The following RAPGEF5 variants were observed in gnomAD, a reference collection of about 807,000 sequenced individuals.
The protein encoded by RAPGEF5 is Rap guanine nucleotide exchange factor 5.
RAPGEF5 carries 65 observed loss-of-function variants against 125.2 expected under a neutral mutation model. The observed-to-expected ratio is 0.52, with a 90% CI of 0.43 to 0.64. The LOEUF (loss-of-function observed/expected upper bound fraction) is 0.64. Among genes scored for constraint, RAPGEF5 ranks in the 30% least tolerant of loss-of-function variants. RAPGEF5 has a pLI of 0.00. For synonymous variants in RAPGEF5, 391 were observed against 385.9 expected (o/e 1.01, Z -0.16); for missense variants, 958 against 1,048.1 (o/e 0.91, Z 1.19).
chr7:22,175,328 C>A (rs1041758985), intron 11 of RAPGEF5, among the ~76,000 whole-genome samples: 1 of 152,062 alleles, frequency 6.6e-6, no homozygotes, highest in Non-Finnish European at 1.5e-5. Flanking sequence ...TTAAAAGGAA[C>A]GAAGGATATT....
chr7:22,292,567 C>T (rs1008786518), intron 5 of RAPGEF5, among the ~76,000 whole-genome samples: 3 of 152,154 alleles, frequency 2.0e-5, no homozygotes, highest in African/African-American at 7.2e-5. Flanking sequence ...GTATTTTGAA[C>T]AAGCTTTATT....
At chr7:22,330,575 G>A (rs1207302691) in intron 1 of RAPGEF5, among the ~76,000 whole-genome samples, 1 of 152,194 alleles carries the variant, frequency 6.6e-6, no homozygotes, top group Non-Finnish European at 1.5e-5. Context: ...GTGTCTTGTG[G>A]CCCATTTGCT....
At position 22,317,980 on chromosome 7, in the gene RAPGEF5, A is replaced by G; in HGVS notation, c.282+7T>C. 1.3e-6 allele frequency: 2 copies of G among 1,548,742 alleles called. No homozygotes were observed. The highest frequency in any genetic ancestry group is 1.7e-6 in the Non-Finnish European group (2 of 1,146,540). ...AGAAAAGGCAGTAAAAGAGAAAGGA[A>G]TCATACCTGGGAAGGCGTATGTTCA... On this transcript the variant is annotated splice_region_variant and intron_variant, in intron 2 of 25. Transcript: ENST00000665637.
intron 1 of RAPGEF5, among the ~76,000 whole-genome samples, chr7:22,353,366 A>C (rs1003488998): frequency 6.6e-6 from 1 of 152,262 alleles, no homozygotes; most frequent in African/African-American, 2.4e-5. Context: ...TATGGAAATT[A>C]TATTTTTAAA....
intron 1 of RAPGEF5, among the ~76,000 whole-genome samples, chr7:22,321,957 C>T (rs1032695104): frequency 5.9e-5 from 9 of 152,092 alleles, no homozygotes; most frequent in African/African-American, 9.7e-5. Flanking sequence ...TTACAAGGAC[C>T]GAATCCCAGC....
chr7:22,241,065 C>T (rs1202327363), intron 7 of RAPGEF5, among the ~76,000 whole-genome samples: 3 of 152,170 alleles, frequency 2.0e-5, no homozygotes, highest in Non-Finnish European at 4.4e-5. Context: ...CAGGACTGAA[C>T]CTGAGTCTTT....
intron 1 of RAPGEF5, among the ~76,000 whole-genome samples, chr7:22,342,244 G>A (rs1784144256): frequency 6.6e-6 from 1 of 152,204 alleles, no homozygotes; most frequent in South Asian, 2.1e-4. Flanking sequence ...AGCCATGGCT[G>A]GAGCAGCTGG....
At chr7:22,229,910 C>T (rs1376933754) in intron 8 of RAPGEF5, among the ~76,000 whole-genome samples, 2 of 152,134 alleles carry the variant, frequency 1.3e-5, no homozygotes, top group Non-Finnish European at 1.5e-5. Context: ...TGATTTCATC[C>T]CTCTGTATGT....
intron 7 of RAPGEF5, among the ~76,000 whole-genome samples, chr7:22,246,970 T>C (rs1011282920): frequency 1.1e-4 from 16 of 152,104 alleles, no homozygotes; most frequent in African/African-American, 3.4e-4. Context: ...AATAAACATA[T>C]GAAGAAATGC....
chr7:22,193,776 C>T, intron 10 of RAPGEF5, 139 bp downstream of exon 10: 1 of 1,588,354 alleles, frequency 6.3e-7, no homozygotes, highest in Non-Finnish European at 8.6e-7. Flanking sequence ...TCAGCTAGAA[C>T]GCTGGAGAGG....
intron 7 of RAPGEF5, among the ~76,000 whole-genome samples, chr7:22,252,031 C>T (rs1420169711): frequency 1.3e-5 from 2 of 152,050 alleles, no homozygotes; most frequent in East Asian, 3.9e-4. Context: ...AAACATGTTC[C>T]CAGGAGCTGC....
At chr7:22,140,615 A>G (rs769645339) in intron 20 of RAPGEF5, among the ~76,000 whole-genome samples, 2 of 152,212 alleles carry the variant, frequency 1.3e-5, no homozygotes, top group Non-Finnish European at 2.9e-5. Flanking sequence ...TATATTTTAA[A>G]TACGGCATAT....
At chr7:22,267,061 G>C in intron 6 of RAPGEF5, 49 bp from the exon 7 acceptor site, 1 of 1,521,218 alleles carries the variant, frequency 6.6e-7, no homozygotes, top group Non-Finnish European at 9.1e-7. Context: ...GAAAAATGTA[G>C]CCATCAAAAG....
intron 1 of RAPGEF5, among the ~76,000 whole-genome samples, chr7:22,339,846 A>T (rs953146861): frequency 1.3e-5 from 2 of 152,220 alleles, no homozygotes; most frequent in Admixed American, 6.5e-5. Context: ...GGCAGAGGTC[A>T]CTATTTAAAG....
intron 7 of RAPGEF5, among the ~76,000 whole-genome samples, chr7:22,257,756 T>G (rs945249995): frequency 1.3e-5 from 2 of 152,238 alleles, no homozygotes; most frequent in Non-Finnish European, 1.5e-5. Flanking sequence ...CCTAGATTGT[T>G]TCCCAAATGT....
In RAPGEF5 at chr7:22,326,491, T is replaced by C. The variant is rs149021090; in HGVS notation, c.232-8454A>G. ...ACTATCTGGACCTTTACAGAAAAGG[T>C]TGGCCAATCCTGGTCTCGATTATCA... is the stretch of plus-strand genomic sequence containing the variant. On this transcript the variant is annotated intron_variant, in intron 1 of 25. Coordinates refer to ENST00000665637, the MANE Select transcript of RAPGEF5 (RefSeq NM_012294.5). 1.2e-4 allele frequency among the ~76,000 whole-genome samples: 18 copies of C among 152,258 alleles called. No individual in the cohort carries two copies. The East Asian group carries it at 2.7e-3, about 23-fold the overall frequency.
At chr7:22,155,826 T>TCAAGAA (rs1783787682) in intron 16 of RAPGEF5, among the ~76,000 whole-genome samples, 1 of 152,260 alleles carries the variant, frequency 6.6e-6, no homozygotes, top group African/African-American at 2.4e-5. Flanking sequence ...AGGGTAAGTT[T>TCAAGAA]ACATCTTGCT....
At chr7:22,343,593 C>T (rs558944262) in intron 1 of RAPGEF5, among the ~76,000 whole-genome samples, 22 of 152,222 alleles carry the variant, frequency 1.4e-4, no homozygotes, top group East Asian at 1.9e-4. Flanking sequence ...CTAATAAACA[C>T]GCAGAATTGG....
At chr7:22,217,256 A>T (rs1785660538) in intron 9 of RAPGEF5, among the ~76,000 whole-genome samples, 1 of 152,252 alleles carries the variant, frequency 6.6e-6, no homozygotes, top group African/African-American at 2.4e-5. Flanking sequence ...TATAACAAGA[A>T]GAGGAAACTG....
Sources: allele counts gnomAD v4.1 joint callset (sites outside exome capture counted in the v4.1 genomes callset), GRCh38; gene constraint gnomAD v4.1.1; transcripts MANE v1.5; gene names NCBI Gene and HGNC (gene_info 2026-07-23, HGNC 2026-07-21).